The following DNAH8 variants were observed in gnomAD, a reference collection of about 807,000 sequenced individuals.
DNAH8 encodes axonemal beta dynein heavy chain 8.
DNAH8 carries 382 observed loss-of-function variants against 562.1 expected under a neutral mutation model. The observed-to-expected ratio is 0.68, with a 90% CI of 0.63 to 0.74. DNAH8 has a LOEUF of 0.74. DNAH8 is among the 30% of genes least tolerant of loss of function. The probability of loss-of-function intolerance (pLI) is 0.00; values close to 1 mark genes in which losing one functional copy is unlikely to be tolerated. For synonymous variants in DNAH8, 1,881 were observed against 1,919.4 expected (o/e 0.98, Z 0.52); for missense variants, 5,203 against 5,620.4 (o/e 0.93, Z 2.37).
intron 92 of DNAH8, among the ~76,000 whole-genome samples, chr6:39,029,307 A>T (rs953934955): frequency 6.6e-6 from 1 of 152,026 alleles, no homozygotes; most frequent in Non-Finnish European, 1.5e-5. Context: ...CCCCTGCTGC[A>T]AGCCCATCAA....
intron 21 of DNAH8, among the ~76,000 whole-genome samples, chr6:38,801,601 T>A (rs1770782108): frequency 6.6e-6 from 1 of 152,224 alleles, no homozygotes; most frequent in Non-Finnish European, 1.5e-5. Flanking sequence ...TAGACTGAAG[T>A]GGCTTCCAGC....
chr6:38,721,383 T>A (rs2127562438), intron 1 of DNAH8, among the ~76,000 whole-genome samples: 1 of 152,230 alleles, frequency 6.6e-6, no homozygotes, highest in Non-Finnish European at 1.5e-5. Flanking sequence ...GGCATGCACC[T>A]GTAGTCTTAG....
At chr6:38,818,810 A>G (rs1678703) in intron 26 of DNAH8, among the ~76,000 whole-genome samples, 75,121 of 151,950 alleles carry the variant, frequency 0.49, 19,551 homozygotes, top group East Asian at 0.69. Context: ...TCTTATTCTC[A>G]CCATGTGCTG....
intron 41 of DNAH8, among the ~76,000 whole-genome samples, chr6:38,856,696 A>G (rs904745924): frequency 1.3e-5 from 2 of 152,202 alleles, no homozygotes; most frequent in Non-Finnish European, 2.9e-5. Context: ...AAAGTCCCTG[A>G]TAAGGCAGGG....
intron 4 of DNAH8, among the ~76,000 whole-genome samples, 198 bp from the exon 5 acceptor site, chr6:38,734,274 ACT>A (rs1469260947): frequency 2.9e-5 from 3 of 104,462 alleles, no homozygotes; most frequent in African/African-American, 1.2e-4. Context: ...ACAGAGCAAG[ACT>A]CTGTCTCAAA....
chr6:38,815,605 C>G lies in DNAH8; in HGVS notation c.3471C>G (p.Thr1157=), dbSNP rs2150320941. The change falls in exon 26 of 93, where the codon ACC becomes ACG. Residue 1157 remains threonine, a synonymous_variant. Transcript: ENST00000327475. ...TCAAGTCTGTCATTCCCAGCCCCAC[C>G]ACTACTGACGTGACCCATCAAAACA... ...RPIKSVIPSP[T]TTDVTHQNTG... The G allele has an allele frequency of 1.2e-6, 2 of 1,613,970 alleles. No individual in the cohort carries two copies. The highest frequency in any genetic ancestry group is 1.3e-5 in the African/African-American group (1 of 75,034).
intron 57 of DNAH8, 28 bp from the exon 58 acceptor site, chr6:38,890,624 T>C (rs371404979): frequency 2.7e-6 from 4 of 1,484,860 alleles, no homozygotes; most frequent in African/African-American, 2.8e-5. Context: ...TTGGTAAGCT[T>C]ATACCTTCAA....
intron 83 of DNAH8, among the ~76,000 whole-genome samples, 157 bp from the exon 84 acceptor site, chr6:38,973,504 C>T (rs1763472611): frequency 6.6e-6 from 1 of 152,100 alleles, no homozygotes; most frequent in Non-Finnish European, 1.5e-5. Context: ...ATTACTTGTA[C>T]CATAGCAGGA....
intron 8 of DNAH8, among the ~76,000 whole-genome samples, chr6:38,745,123 G>A (rs1764820917): frequency 6.6e-6 from 1 of 152,120 alleles, no homozygotes; most frequent in African/African-American, 2.4e-5. Context: ...ATTACTTACC[G>A]CTTACTGTAA....
Position 38,775,965 on chromosome 6 carries a change from C to T in DNAH8, c.1962+14C>T, listed in dbSNP as rs1284598231. 5 of 1,544,702 alleles carry T rather than the reference C, an allele frequency of 3.2e-6. No individual in the cohort carries two copies. The African/African-American group carries it at 4.1e-5, about 13-fold the overall frequency. The stretch of plus-strand genomic sequence containing the variant: ...AATGGTTTAGAGGTAAGTAATTATA[C>T]CTACTTTTACTTAGTAAAGCTGAAA... On this transcript the variant is annotated intron_variant, in intron 13 of 92. Coordinates refer to ENST00000327475, the MANE Select transcript of DNAH8 (RefSeq NM_001206927.2).
intron 89 of DNAH8, among the ~76,000 whole-genome samples, chr6:39,009,857 A>G (rs1035836582): frequency 6.6e-6 from 1 of 152,212 alleles, no homozygotes; most frequent in Admixed American, 6.5e-5. Flanking sequence ...AGCTTCATGT[A>G]GAGATAGTTA....
chr6:38,858,451 T>C (rs1023795234), intron 42 of DNAH8, among the ~76,000 whole-genome samples: 5 of 152,204 alleles, frequency 3.3e-5, no homozygotes, highest in African/African-American at 1.2e-4. Flanking sequence ...TCTGATCAGA[T>C]AGTTTGTATT....
intron 82 of DNAH8, among the ~76,000 whole-genome samples, chr6:38,956,340 T>A (rs1283961225): frequency 6.6e-6 from 1 of 152,048 alleles, no homozygotes; most frequent in Non-Finnish European, 1.5e-5. Context: ...TCTGAGCCAA[T>A]GAGATGAGCT....
At chr6:38,965,049 G>A (rs1036951407) in intron 82 of DNAH8, among the ~76,000 whole-genome samples, 2 of 149,998 alleles carry the variant, frequency 1.3e-5, no homozygotes, top group Non-Finnish European at 3.0e-5. Flanking sequence ...GGGCGACAAA[G>A]CAAGATTCTG....
At position 38,845,687 on chromosome 6, in the gene DNAH8, G is replaced by A; in HGVS notation, c.4959G>A (p.Glu1653=). Residue 1653 remains glutamate (E), a synonymous_variant, in exon 36 of 93, where the codon GAG becomes GAA. Transcript: ENST00000327475. ...LSFAAFKGKG[E]LLLKGTESGE... ...TTGCAGCATTTAAGGGAAAAGGAGAGCTCCTGCTCAAAGGAACCGAATCGG... is the reference window on the plus strand; with the variant it reads ...TTGCAGCATTTAAGGGAAAAGGAGAACTCCTGCTCAAAGGAACCGAATCGG... The A allele has an allele frequency of 1.9e-6, 3 of 1,614,002 alleles. No individual in the cohort carries two copies. Among genetic ancestry groups the A allele is most frequent in the Non-Finnish European group, 2.5e-6 (3 of 1,179,910 alleles).
chr6:38,918,111 G>A lies in DNAH8; in HGVS notation c.10495G>A (p.Gly3499Ser). The A allele has an allele frequency of 6.2e-7, 1 of 1,613,248 alleles. No individual in the cohort carries two copies. Among genetic ancestry groups the A allele is most frequent in the Non-Finnish European group, 8.5e-7 (1 of 1,179,616 alleles). Residue 3499 changes from glycine to serine, a missense_variant, in exon 70 of 93, where the codon GGC becomes AGC. Physicochemically the swap from Gly to Ser is moderately conservative, Grantham distance 56 (BLOSUM62 0). Transcript: ENST00000327475. ...SWTLAMAIFY[G>S]INREVLPLKA... Reference sequence around the variant, plus strand: ...GACACTTGCTATGGCAATATTTTATGGCATCAATAGAGAAGTGTTGCCTCT... The same window carrying A: ...GACACTTGCTATGGCAATATTTTATAGCATCAATAGAGAAGTGTTGCCTCT...
chr6:38,937,939 C>G (rs1783099861), intron 77 of DNAH8, 35 bp from the exon 78 acceptor site: 3 of 1,602,530 alleles, frequency 1.9e-6, no homozygotes, highest in Non-Finnish European at 2.6e-6. Context: ...AGTTTCCCGT[C>G]TTGTGTACTA....
chr6:38,812,850 T>A (rs1345574641), intron 24 of DNAH8, among the ~76,000 whole-genome samples: 2 of 152,126 alleles, frequency 1.3e-5, no homozygotes, highest in Admixed American at 1.3e-4. Context: ...GCGGAGTGAC[T>A]CTCTGGAAAT....
At chr6:38,759,402 G>A (rs568680861) in intron 10 of DNAH8, among the ~76,000 whole-genome samples, 14 of 152,198 alleles carry the variant, frequency 9.2e-5, no homozygotes, top group East Asian at 5.8e-4. Flanking sequence ...CAAGCATAAC[G>A]AAATATATAA....
Sources: allele counts gnomAD v4.1 joint callset (sites outside exome capture counted in the v4.1 genomes callset), GRCh38; gene constraint gnomAD v4.1.1; transcripts MANE v1.5; gene names NCBI Gene and HGNC (gene_info 2026-07-23, HGNC 2026-07-21).